Variants in RBPJL observed in about 807,000 individuals in gnomAD.
The protein encoded by RBPJL is recombining binding protein suppressor of hairless-like protein.
A neutral mutation model predicts 57.6 loss-of-function variants in RBPJL; 50 were observed. The observed-to-expected ratio is 0.87, with a 90% CI of 0.69 to 1.10. The LOEUF (loss-of-function observed/expected upper bound fraction) is 1.10, where lower values mean the gene tolerates loss of function less well. Ranked by LOEUF, RBPJL falls within the 50% of genes least tolerant of loss-of-function variation. The pLI, the probability that RBPJL is intolerant of heterozygous loss-of-function variation, is 0.00. For synonymous variants in RBPJL, 303 were observed against 294.4 expected, an observed-to-expected ratio of 1.03 and a Z score of -0.30; for missense variants, 684 against 693.7, an observed-to-expected ratio of 0.99 and a Z score of 0.16.
At position 45,316,852 on chromosome 20, in the gene RBPJL, C is replaced by T; in HGVS notation, c.1447C>T (p.Pro483Ser). The change falls in exon 12 of 12, where the codon CCG becomes TCG. Residue 483 changes from proline (P) to serine (S), a missense_variant. Physicochemically the swap from Pro to Ser is moderately conservative, Grantham distance 74 (BLOSUM62 -1). Coordinates refer to ENST00000343694, the MANE Select transcript of RBPJL (RefSeq NM_014276.4). ...CTACACCCCGGAATACAGCGTGCGG[C>T]CGGGTCACCCCGGCGTCCCCGAGCC... ...FTYTPEYSVR[P>S]GHPGVPEPAT... 1.2e-6 allele frequency: 2 copies of T among 1,613,924 alleles called. No homozygotes were observed. Among genetic ancestry groups the T allele is most frequent in the Non-Finnish European group, 1.7e-6 (2 of 1,179,862 alleles).
intron 4 of RBPJL, 21 bp downstream of exon 4, chr20:45,311,680 T>A: frequency 6.2e-7 from 1 of 1,613,344 alleles, no homozygotes; most frequent in South Asian, 1.1e-5. Flanking sequence ...AATCAAGGGC[T>A]GCCGGCCGCC....
In RBPJL at chr20:45,314,145, G is replaced by C; in HGVS notation, c.867+1G>C. 8 of 1,608,294 alleles carry C rather than the reference G, an allele frequency of 5.0e-6. No homozygotes were observed. Among genetic ancestry groups the C allele is most frequent in the Non-Finnish European group, 6.8e-6 (8 of 1,174,966 alleles). ...CACCGGCATCACACTACCTCCCATG[G>C]TATAGGAAGGGAGGGCATGCCTGGA... On this transcript the variant is annotated splice_donor_variant, in intron 8 of 11. Coordinates refer to ENST00000343694, the MANE Select transcript of RBPJL (RefSeq NM_014276.4). LOFTEE classifies it high-confidence loss of function.
At position 45,308,214 on chromosome 20, in the gene RBPJL, G is replaced by C. The variant is rs143342734; in HGVS notation, c.94G>C (p.Glu32Gln). The C allele has an allele frequency of 7.4e-6, 12 of 1,613,936 alleles. No individual in the cohort carries two copies. Among genetic ancestry groups the C allele is most frequent in the African/African-American group, 2.7e-5 (2 of 74,934 alleles). The change falls in exon 2 of 12, where the codon GAA becomes CAA. Residue 32 changes from glutamate (E) to glutamine (Q), a missense_variant. Glu to Gln is a conservative substitution (Grantham distance 29). Transcript: ENST00000343694. ...QDRSEMQLQS[E>Q]ADRRSLPGTW... ...CAGATCAGAGATGCAGCTGCAGAGC[G>C]AAGCCGACAGGCGGAGCCTCCCGGG... is the stretch of plus-strand genomic sequence containing the variant.
chr20:45,313,069 G>A (rs1987270062), intron 6 of RBPJL, among the ~76,000 whole-genome samples: 1 of 151,948 alleles, frequency 6.6e-6, no homozygotes, highest in South Asian at 2.1e-4. Flanking sequence ...AGACAGCAAA[G>A]GAACAGGCAA....
At chr20:45,314,909 C>G (rs1219873013) in intron 9 of RBPJL, among the ~76,000 whole-genome samples, 1 of 152,088 alleles carries the variant, frequency 6.6e-6, no homozygotes, top group Non-Finnish European at 1.5e-5. Flanking sequence ...ATGGTGAAAT[C>G]CCATCTCTAC....
rs1173649139 is a variant in RBPJL at position 45,313,917 on chromosome 20, A to G, written c.758-118A>G. 4 of 782,964 alleles carry G rather than the reference A, an allele frequency of 5.1e-6. No homozygotes were observed. The East Asian group carries it at 7.3e-5, about 14-fold the overall frequency. The allele number at this position is 782,964 out of a possible 1,614,324, so 48.5% of individuals were successfully genotyped here. A position where few individuals can be genotyped will look rare whatever the true frequency, so the allele number is the denominator to read the frequency against. Reference sequence around the variant, plus strand: ...CTTCAGTTGGCTCCCCTGAGTACCAAGCTTTCCCGCAGGGCCCATGTGTGA... The same window carrying G: ...CTTCAGTTGGCTCCCCTGAGTACCAGGCTTTCCCGCAGGGCCCATGTGTGA... On this transcript the variant is annotated intron_variant, in intron 7 of 11. Coordinates refer to ENST00000343694, the MANE Select transcript of RBPJL (RefSeq NM_014276.4).
chr20:45,308,034 G>A, intron 1 of RBPJL, 109 bp from the exon 2 acceptor site: 1 of 701,028 alleles, frequency 1.4e-6, no homozygotes, highest in Non-Finnish European at 2.5e-6. Context: ...GATTTGGAAA[G>A]GACCCTGCAG....
rs373668760 is a variant in RBPJL at position 45,314,102 on chromosome 20, G to A, written c.825G>A (p.Val275=). The A allele has an allele frequency of 1.2e-6, 2 of 1,614,214 alleles. No individual in the cohort carries two copies. The highest frequency in any genetic ancestry group is 1.6e-4 in the Middle Eastern group (1 of 6,062). ...GCTACGTTCGCTATGGCTCCCTGGT[G>A]CAGCTCGTCTGCACGGTCACCGGCA... ...REGYVRYGSL[V]QLVCTVTGIT... The change falls in exon 8 of 12, where the codon GTG becomes GTA. Residue 275 remains valine, a synonymous_variant. Coordinates refer to ENST00000343694, the MANE Select transcript of RBPJL (RefSeq NM_014276.4).
intron 5 of RBPJL, 131 bp from the exon 6 acceptor site, chr20:45,312,090 G>A (rs973719990): frequency 6.7e-6 from 10 of 1,489,442 alleles, no homozygotes; most frequent in South Asian, 5.9e-5. Context: ...CCTTAAGGCC[G>A]AGCCTGAGAG....
Position 45,316,253 on chromosome 20 carries a change from G to C in RBPJL, c.1087G>C (p.Gly363Arg). The C allele has an allele frequency of 1.2e-6, 2 of 1,614,188 alleles. No homozygotes were observed. Among genetic ancestry groups the C allele is most frequent in the East Asian group, 2.2e-5 (1 of 44,882 alleles). Residue 363 changes from glycine to arginine, a missense_variant, in exon 10 of 12, where the codon GGC (glycine) becomes CGC (arginine). Coordinates refer to ENST00000343694, the MANE Select transcript of RBPJL (RefSeq NM_014276.4). The part of the protein sequence containing the change: ...LNDSSCWTII[G>R]TESVEFSFST... ...CGACAGCTCTTGCTGGACCATCATC[G>C]GCACCGAGTCGGTGGAATTTTCCTT...
intron 3 of RBPJL, 70 bp downstream of exon 3, chr20:45,309,762 T>A (rs756736059): frequency 6.3e-7 from 1 of 1,591,134 alleles, no homozygotes; most frequent in Non-Finnish European, 8.6e-7. Context: ...CATCCACCCA[T>A]TGGGCCTCTT....
Position 45,314,550 on chromosome 20 carries a change from G to T in RBPJL, c.1005G>T (p.Lys335Asn). ...CCTACTTATGCCTTGCCACAGAGAA[G>T]GTGGTGCAATTTCAGGTAAGAAGCA... The part of the protein sequence containing the change: ...GGTYLCLATE[K>N]VVQFQASPCP... Residue 335 changes from lysine (K) to asparagine (N), a missense_variant, in exon 9 of 12, where the codon AAG becomes AAT. By Grantham distance (94) the Lys-to-Asn change is moderately conservative. Transcript: ENST00000343694. The T allele has an allele frequency of 1.2e-6, 2 of 1,613,288 alleles. No individual in the cohort carries two copies. The highest frequency in any genetic ancestry group is 1.7e-6 in the Non-Finnish European group (2 of 1,179,406).
intron 6 of RBPJL, 47 bp from the exon 7 acceptor site, chr20:45,313,421 A>AACCCTGACCCTCACCCTC: frequency 6.6e-7 from 1 of 1,519,240 alleles, no homozygotes; most frequent in Non-Finnish European, 8.9e-7. Context: ...CCCTCACCCT[A>AACCCTGACCCTCACCCTC]ACCCTGACCC....
chr20:45,313,344 T>A, intron 6 of RBPJL, 124 bp from the exon 7 acceptor site: 2 of 635,692 alleles, frequency 3.1e-6, no homozygotes, highest in Admixed American at 3.3e-5. Flanking sequence ...CTCACCCTAA[T>A]CCTAACCCTC....
intron 6 of RBPJL, 152 bp from the exon 7 acceptor site, chr20:45,313,316 C>T: frequency 1.8e-6 from 1 of 547,908 alleles, no homozygotes; most frequent in Non-Finnish European, 3.1e-6. Flanking sequence ...AATCCTTACC[C>T]TCACCCTCAC....
intron 9 of RBPJL, among the ~76,000 whole-genome samples, 171 bp downstream of exon 9, chr20:45,314,736 A>G (rs540157111): frequency 1.2e-4 from 19 of 152,350 alleles, no homozygotes; most frequent in Admixed American, 6.5e-4. Flanking sequence ...AAAAATAGTA[A>G]TAAGTAATAG....
chr20:45,316,115 C>A, intron 9 of RBPJL, 72 bp from the exon 10 acceptor site: 1 of 1,495,256 alleles, frequency 6.7e-7, no homozygotes, highest in Non-Finnish European at 9.2e-7. Context: ...GAAGCCCACG[C>A]GCCATGCTGG....
At position 45,308,185 on chromosome 20, in the gene RBPJL, A is replaced by G. The variant is rs370744503; in HGVS notation, c.65A>G (p.Gln22Arg). The change falls in exon 2 of 12, where the codon CAG (glutamine) becomes CGG (arginine). Residue 22 changes from glutamine to arginine, a missense_variant. Gln to Arg is a conservative substitution (Grantham distance 43). Transcript: ENST00000343694. ...PPNPLTHLSL[Q>R]DRSEMQLQSE... Reference sequence around the variant, plus strand: ...AATCCTTTGACTCACCTGAGCCTGCAGGACAGATCAGAGATGCAGCTGCAG... The same window carrying G: ...AATCCTTTGACTCACCTGAGCCTGCGGGACAGATCAGAGATGCAGCTGCAG... 2.5e-6 allele frequency: 4 copies of G among 1,613,960 alleles called. No individual in the cohort carries two copies. The highest frequency in any genetic ancestry group is 3.4e-6 in the Non-Finnish European group (4 of 1,179,954).
rs541160399 is a variant in RBPJL at position 45,310,640 on chromosome 20, T to C, written c.257+948T>C. Among the ~76,000 whole-genome samples the C allele has an allele frequency of 7.3e-5, 11 of 151,056 alleles. No individual in the cohort carries two copies. In the South Asian group the frequency reaches 2.1e-3, roughly 29 times the overall value. On this transcript the variant is annotated intron_variant, in intron 3 of 11. Coordinates refer to ENST00000343694, the MANE Select transcript of RBPJL (RefSeq NM_014276.4). ...AAGGGCAACAGAAAATGGGAAGACC[T>C]TGAGGCTGTACCAATTAGGCCTGTT...
Sources: gnomAD v4.1 joint callset for allele counts (sites outside exome capture counted in the v4.1 genomes callset) on GRCh38, gnomAD v4.1.1 for gene constraint, MANE v1.5 for transcripts, NCBI Gene and HGNC (gene_info 2026-07-23, HGNC 2026-07-21) for gene names.